The following ARMC9 variants were observed in gnomAD, a reference collection of about 807,000 sequenced individuals.
The protein encoded by ARMC9 is lisH domain-containing protein ARMC9.
In ARMC9, 94 loss-of-function variants were observed where a neutral mutation model predicts 107.0. The observed-to-expected ratio is 0.88, with a 90% CI of 0.74 to 1.04. The LOEUF (loss-of-function observed/expected upper bound fraction) is 1.04, where lower values mean the gene tolerates loss of function less well. ARMC9 is among the 50% of genes least tolerant of loss of function. The pLI is 0.00. For missense variants in ARMC9, 942 were observed against 1,030.1 expected (o/e 0.91, Z 1.17); for synonymous variants, 380 against 396.9 (o/e 0.96, Z 0.51).
chr2:231,298,271 A>G (rs1354859744), intron 19 of ARMC9, among the ~76,000 whole-genome samples: 2 of 152,246 alleles, frequency 1.3e-5, no homozygotes, highest in Non-Finnish European at 2.9e-5. Context: ...TCTCCCAGGT[A>G]AGCCTCACTG....
At chr2:231,366,187 G>A (rs1461337063) in intron 23 of ARMC9, among the ~76,000 whole-genome samples, 2 of 152,178 alleles carry the variant, frequency 1.3e-5, no homozygotes, top group African/African-American at 4.8e-5. Flanking sequence ...CCATCAGTTG[G>A]CAGAACCCCT....
At chr2:231,210,462 C>T (rs1424134291) in intron 3 of ARMC9, among the ~76,000 whole-genome samples, 1 of 152,234 alleles carries the variant, frequency 6.6e-6, no homozygotes, top group Admixed American at 6.5e-5. Context: ...GACCTTTACC[C>T]TACACGTTGG....
chr2:231,277,781 T>C (rs1044472711), intron 15 of ARMC9, among the ~76,000 whole-genome samples: 2 of 152,082 alleles, frequency 1.3e-5, no homozygotes, highest in African/African-American at 4.8e-5. Context: ...AAGGCTGATC[T>C]TGAACTCCTA....
chr2:231,362,822 T>C lies in ARMC9; in HGVS notation c.2261+1939T>C, dbSNP rs1406157782. 6.5e-6 allele frequency: 1 copy of C among 154,204 alleles called. No homozygotes were observed. The highest frequency in any genetic ancestry group is 1.5e-5 in the Non-Finnish European group (1 of 68,184). 9.6% of individuals were successfully genotyped at this position (154,204 alleles called of 1,614,324 possible). ...CACAAGTGGCCATCTCTTGTCAGGC[T>C]GACTTCAGCCCCAATTCAGGTCTCA... On this transcript the variant is annotated intron_variant, in intron 23 of 24. Transcript: ENST00000611582. The surrounding 1 kb of genome is among the most constrained non-coding windows in gnomAD (Gnocchi z 4.7).
intron 10 of ARMC9, among the ~76,000 whole-genome samples, chr2:231,258,115 C>T (rs1007124216): frequency 4.6e-5 from 7 of 152,236 alleles, no homozygotes; most frequent in Middle Eastern, 3.4e-3. Context: ...CCTATGTTCC[C>T]ATGCTGCTTC....
chr2:231,236,920 C>T (rs1036674035), intron 8 of ARMC9, among the ~76,000 whole-genome samples: 3 of 151,980 alleles, frequency 2.0e-5, no homozygotes, highest in Non-Finnish European at 2.9e-5. Flanking sequence ...TGGGCAACAG[C>T]GTGAAACTGT....
chr2:231,358,753 A>C lies in ARMC9; in HGVS notation c.2132-2001A>C, dbSNP rs887306806. On this transcript the variant is annotated intron_variant, in intron 22 of 24. Coordinates refer to ENST00000611582, the MANE Select transcript of ARMC9 (RefSeq NM_001352754.2). The surrounding 1 kb of genome is among the most constrained non-coding windows in gnomAD (Gnocchi z 4.5). Reference sequence around the variant, plus strand: ...GACCCTCAAACTGCTTGATCGGTTGAGTGCAGGCCCAGAAAGTACATTCTA... The same window carrying C: ...GACCCTCAAACTGCTTGATCGGTTGCGTGCAGGCCCAGAAAGTACATTCTA... 4.6e-5 allele frequency among the ~76,000 whole-genome samples: 7 copies of C among 152,238 alleles called. No individual in the cohort carries two copies. The highest frequency in any genetic ancestry group is 1.0e-4 in the Non-Finnish European group (7 of 68,048).
intron 9 of ARMC9, among the ~76,000 whole-genome samples, chr2:231,241,563 G>A (rs998151180): frequency 2.0e-5 from 3 of 152,158 alleles, no homozygotes; most frequent in Non-Finnish European, 2.9e-5. Context: ...GCTTTTAAGT[G>A]AGGGTTTGCA....
At chr2:231,292,509 A>G (rs1010033099) in intron 18 of ARMC9, among the ~76,000 whole-genome samples, 2 of 152,200 alleles carry the variant, frequency 1.3e-5, no homozygotes, top group African/African-American at 4.8e-5. Context: ...TCCTCATTCT[A>G]TCCAGCCTCC....
intron 19 of ARMC9, among the ~76,000 whole-genome samples, chr2:231,309,272 C>T (rs2042203404): frequency 6.6e-6 from 1 of 152,120 alleles, no homozygotes; most frequent in South Asian, 2.1e-4. Context: ...CCTCATGATT[C>T]CTAGGCATTT....
chr2:231,321,181 T>G (rs1324025641), intron 19 of ARMC9, among the ~76,000 whole-genome samples: 1 of 152,234 alleles, frequency 6.6e-6, no homozygotes, highest in East Asian at 1.9e-4. Context: ...CTGTCAGCTG[T>G]TTTTAACGCC....
At chr2:231,220,373 G>A (rs2033989183) in intron 5 of ARMC9, among the ~76,000 whole-genome samples, 1 of 152,010 alleles carries the variant, frequency 6.6e-6, no homozygotes, top group Non-Finnish European at 1.5e-5. Context: ...AAGGTGGGCG[G>A]ATCACCTGAG....
intron 9 of ARMC9, among the ~76,000 whole-genome samples, chr2:231,244,226 C>T (rs1472911285): frequency 1.3e-5 from 2 of 152,164 alleles, no homozygotes; most frequent in African/African-American, 2.4e-5. Flanking sequence ...GTTAAAAATT[C>T]AAAAGGGCCC....
In ARMC9 at chr2:231,358,651, G is replaced by A. The variant is rs2045441017; in HGVS notation, c.2132-2103G>A. Among the ~76,000 whole-genome samples, 1 of 152,166 alleles carries A rather than the reference G, an allele frequency of 6.6e-6. No homozygotes were observed. Among genetic ancestry groups the A allele is most frequent in the Non-Finnish European group, 1.5e-5 (1 of 68,044 alleles). ...CCGTGGAAACCCCCACCTTCACGCTGAGTTTCTTGAGGAAGAGCCTTTGCG... is the reference window on the plus strand; with the variant it reads ...CCGTGGAAACCCCCACCTTCACGCTAAGTTTCTTGAGGAAGAGCCTTTGCG... On this transcript the variant is annotated intron_variant, in intron 22 of 24. Coordinates refer to ENST00000611582, the MANE Select transcript of ARMC9 (RefSeq NM_001352754.2). The surrounding 1 kb of genome is among the most constrained non-coding windows in gnomAD (Gnocchi z 4.5).
intron 14 of ARMC9, among the ~76,000 whole-genome samples, chr2:231,274,064 G>A (rs1171731247): frequency 2.2e-4 from 33 of 152,168 alleles, no homozygotes; most frequent in Non-Finnish European, 8.8e-5. Flanking sequence ...AGCAGCATGT[G>A]TCAGGGCCTC....
Position 231,255,533 on chromosome 2 carries a change from T to C in ARMC9, c.880-1053T>C, listed in dbSNP as rs1254257167. Among the ~76,000 whole-genome samples the C allele has an allele frequency of 6.6e-6, 1 of 152,156 alleles. No individual in the cohort carries two copies. Among genetic ancestry groups the C allele is most frequent in the Non-Finnish European group, 1.5e-5 (1 of 68,036 alleles). On this transcript the variant is annotated intron_variant, in intron 9 of 24. Coordinates refer to ENST00000611582, the MANE Select transcript of ARMC9 (RefSeq NM_001352754.2). This position sits in a 1 kb window ranked among gnomAD's most constrained non-coding sequence, Gnocchi z 4.7. ...TTTCCATAGAGGATTTTTTTTTGTT[T>C]GGTTGTTTTTGTTTTTTTTCTAAAG...
In ARMC9 at chr2:231,280,551, T is replaced by C. The variant is rs534901928; in HGVS notation, c.1552-1508T>C. On this transcript the variant is annotated intron_variant, in intron 16 of 24. Transcript: ENST00000611582. ...TACATACATACATACATATATACTT[T>C]AGAGCCAAGTAATATGTTTGCTACA... Among the ~76,000 whole-genome samples the C allele has an allele frequency of 4.0e-4, 61 of 152,232 alleles. No homozygotes were observed. In the South Asian group the frequency reaches 0.013, roughly 32 times the overall value.
chr2:231,206,026 A>T (rs145308696), intron 1 of ARMC9, among the ~76,000 whole-genome samples, 172 bp from the exon 2 acceptor site: 2 of 152,306 alleles, frequency 1.3e-5, no homozygotes, highest in East Asian at 3.9e-4. Flanking sequence ...AGCAACCTTA[A>T]TTCCATCTGC....
intron 1 of ARMC9, among the ~76,000 whole-genome samples, chr2:231,205,500 A>G (rs534206835): frequency 6.6e-6 from 1 of 152,166 alleles, no homozygotes; most frequent in African/African-American, 2.4e-5. Flanking sequence ...AGACCTTTTC[A>G]TTCCTCTGGG....
Sources: gnomAD v4.1 joint callset for allele counts (sites outside exome capture counted in the v4.1 genomes callset) on GRCh38, gnomAD v4.1.1 for gene constraint, Gnocchi (gnomAD v3.1) non-coding constraint, MANE v1.5 for transcripts, NCBI Gene and HGNC (gene_info 2026-07-23, HGNC 2026-07-21) for gene names.